CNOT3: variants seen among roughly 807,000 people sequenced by gnomAD.
The protein encoded by CNOT3 is CCR4-NOT transcription complex subunit 3.
A neutral mutation model predicts 89.4 loss-of-function variants in CNOT3; 2 were observed. The observed-to-expected ratio is 0.02, with a 90% CI of 0.01 to 0.07. CNOT3 has a LOEUF of 0.07. Ranked by LOEUF, CNOT3 falls within the 10% of genes least tolerant of loss-of-function variation. CNOT3 has a pLI of 1.00. For synonymous variants in CNOT3, 486 were observed against 402.0 expected, an observed-to-expected ratio of 1.21 and a Z score of -2.50; for missense variants, 664 against 1,010.2, an observed-to-expected ratio of 0.66 and a Z score of 4.65.
At chr19:54,152,088 T>C (rs587690172) in intron 13 of CNOT3, 138 bp from the exon 14 acceptor site, 27 of 760,922 alleles carry the variant, frequency 3.5e-5, no homozygotes, top group African/African-American at 1.1e-4. Context: ...TTACCTGTCA[T>C]GGGTAGATTG....
intron 10 of CNOT3, among the ~76,000 whole-genome samples, chr19:54,147,511 TAGTC>T (rs2074746534): frequency 6.6e-6 from 1 of 152,182 alleles, no homozygotes; most frequent in Non-Finnish European, 1.5e-5. Flanking sequence ...GAGAAGTGGG[TAGTC>T]AGTCCTGTTG....
rs2241791 is a variant in CNOT3 at position 54,144,396 on chromosome 19, G to A, written c.483+64G>A. 4,090 of 1,232,614 alleles carry A rather than the reference G, an allele frequency of 3.3e-3. 169 individuals carry two copies. The East Asian group carries it at 0.088, about 27-fold the overall frequency. The allele number at this position is 1,232,614 out of a possible 1,614,324, so 76.4% of individuals were successfully genotyped here. A position where few individuals can be genotyped will look rare whatever the true frequency, so the allele number is the denominator to read the frequency against. On this transcript the variant is annotated intron_variant, in intron 7 of 17. Coordinates refer to ENST00000221232, the MANE Select transcript of CNOT3 (RefSeq NM_014516.4). The surrounding 1 kb of genome is among the most constrained non-coding windows in gnomAD (Gnocchi z 4.8). ...GGCATGGGAATGGGCTGGCCAGCAG[G>A]AGGCCAGTCATTTATGCTCCTGGGA...
intron 1 of CNOT3, among the ~76,000 whole-genome samples, chr19:54,141,030 C>G (rs1266878654): frequency 6.6e-6 from 1 of 152,172 alleles, no homozygotes; most frequent in African/African-American, 2.4e-5. Flanking sequence ...TGTAAACTCT[C>G]GTTTCACATT....
At chr19:54,140,102 C>T (rs2074386877) in intron 1 of CNOT3, among the ~76,000 whole-genome samples, 1 of 152,134 alleles carries the variant, frequency 6.6e-6, no homozygotes, top group Non-Finnish European at 1.5e-5. Flanking sequence ...GTTAGTTTCC[C>T]AGGGCTGACC....
In CNOT3 at chr19:54,144,831, A is replaced by T. The variant is rs1399303277; in HGVS notation, c.483+499A>T. 6.6e-6 allele frequency among the ~76,000 whole-genome samples: 1 copy of T among 152,120 alleles called. No homozygotes were observed. The highest frequency in any genetic ancestry group is 1.5e-5 in the Non-Finnish European group (1 of 68,012). On this transcript the variant is annotated intron_variant, in intron 7 of 17. Coordinates refer to ENST00000221232, the MANE Select transcript of CNOT3 (RefSeq NM_014516.4). The surrounding 1 kb of genome is among the most constrained non-coding windows in gnomAD (Gnocchi z 4.8). ...GTTCTAAAATCCGGGATTGTGGGGTATGAGTTCAAAGGGATACAAACTGTA... is the reference window on the plus strand; with the variant it reads ...GTTCTAAAATCCGGGATTGTGGGGTTTGAGTTCAAAGGGATACAAACTGTA...
intron 1 of CNOT3, among the ~76,000 whole-genome samples, chr19:54,140,128 C>G (rs1324558797): frequency 6.6e-6 from 1 of 152,180 alleles, no homozygotes; most frequent in African/African-American, 2.4e-5. Context: ...CCCCTCCCTC[C>G]TCGAGTCTTT....
chr19:54,147,622 C>A (rs941981776), intron 10 of CNOT3, among the ~76,000 whole-genome samples: 2 of 152,172 alleles, frequency 1.3e-5, no homozygotes, highest in African/African-American at 4.8e-5. Context: ...AGATTGCCTG[C>A]GGTAGGGATA....
intron 17 of CNOT3, chr19:54,154,960 T>G (rs377417761): frequency 1.4e-5 from 4 of 278,006 alleles, no homozygotes; most frequent in African/African-American, 2.2e-5. Context: ...TTGTGAAGAT[T>G]AAATGCTAGG....
intron 13 of CNOT3, among the ~76,000 whole-genome samples, chr19:54,149,996 C>G (rs771569519): frequency 3.9e-5 from 6 of 152,132 alleles, no homozygotes; most frequent in Non-Finnish European, 8.8e-5. Flanking sequence ...TTCTCTGGGT[C>G]TCTTTTCCTT....
At chr19:54,151,521 T>C (rs369177705) in intron 13 of CNOT3, among the ~76,000 whole-genome samples, 24 of 152,230 alleles carry the variant, frequency 1.6e-4, no homozygotes, top group South Asian at 1.2e-3. Context: ...CTGGGCGATA[T>C]AGCGAGACAG....
In CNOT3 at chr19:54,147,122, G is replaced by A. The variant is rs587685840; in HGVS notation, c.894+465G>A. Among the ~76,000 whole-genome samples the A allele has an allele frequency of 3.3e-4, 51 of 152,334 alleles. No individual in the cohort carries two copies. In the East Asian group the frequency reaches 5.0e-3, roughly 15 times the overall value. ...CCAGAGTCCAATAAGCCTAGGAAGCGATGGGGCCTTTGCTGTGCTGATAAT... is the reference window on the plus strand; with the variant it reads ...CCAGAGTCCAATAAGCCTAGGAAGCAATGGGGCCTTTGCTGTGCTGATAAT... On this transcript the variant is annotated intron_variant, in intron 10 of 17. Transcript: ENST00000221232.
chr19:54,140,481 C>G (rs587699135), intron 1 of CNOT3, among the ~76,000 whole-genome samples: 39 of 152,254 alleles, frequency 2.6e-4, no homozygotes, highest in Non-Finnish European at 2.6e-4. Context: ...TCTTCTCTGG[C>G]GGCGTCTCTG....
intron 13 of CNOT3, among the ~76,000 whole-genome samples, chr19:54,151,006 GTC>G (rs1182380161): frequency 2.0e-5 from 3 of 152,066 alleles, no homozygotes; most frequent in Non-Finnish European, 4.4e-5. Flanking sequence ...GGTCAGGCAG[GTC>G]TTGAACTCCG....
chr19:54,143,350 G>A (rs2074533891), intron 3 of CNOT3, 92 bp from the exon 4 acceptor site: 2 of 1,342,052 alleles, frequency 1.5e-6, no homozygotes, highest in East Asian at 2.3e-5. Flanking sequence ...GTTGGGGGGG[G>A]TCCTCGAGTC....
At position 54,142,926 on chromosome 19, in the gene CNOT3, C is replaced by A; in HGVS notation, c.-50-3C>A. On this transcript the variant is annotated splice_polypyrimidine_tract_variant and splice_region_variant and intron_variant, in intron 1 of 17. Coordinates refer to ENST00000221232, the MANE Select transcript of CNOT3 (RefSeq NM_014516.4). ...TTAATTCCTCTCCAATCTCTCCTAGCAGCGTCCGTCTCCAAGAGAGTATGA... is the reference window on the plus strand; with the variant it reads ...TTAATTCCTCTCCAATCTCTCCTAGAAGCGTCCGTCTCCAAGAGAGTATGA... 6.3e-7 allele frequency: 1 copy of A among 1,582,530 alleles called. No homozygotes were observed. The highest frequency in any genetic ancestry group is 8.7e-7 in the Non-Finnish European group (1 of 1,152,174).
chr19:54,149,476 T>A (rs2074923646), intron 12 of CNOT3, 84 bp from the exon 13 acceptor site: 1 of 794,538 alleles, frequency 1.3e-6, no homozygotes, highest in Non-Finnish European at 2.0e-6. Context: ...CTGTGCAGTC[T>A]CCCCTCTCTC....
At chr19:54,153,589 A>AT in intron 16 of CNOT3, 126 bp from the exon 17 acceptor site, 1 of 797,406 alleles carries the variant, frequency 1.3e-6, no homozygotes, top group South Asian at 1.3e-5. Flanking sequence ...CTCCAAGAGG[A>AT]TTGTCCAGCC....
intron 3 of CNOT3, 111 bp from the exon 4 acceptor site, chr19:54,143,331 G>T: frequency 8.1e-7 from 1 of 1,231,724 alleles, no homozygotes. Flanking sequence ...AGATGGATTG[G>T]GGGTAGGGGT....
rs776008002 is a variant in CNOT3, at chr19:54,153,992, G to C, written c.2163+152G>C. ...CAAGTACTCCTCCCTCTGGCTGTCT[G>C]CTCAGCCTGGAACACCGCCCTCTCA... On this transcript the variant is annotated intron_variant, in intron 17 of 17. Transcript: ENST00000221232. 4 of 977,442 alleles carry C rather than the reference G, an allele frequency of 4.1e-6. No homozygotes were observed. In the African/African-American group the frequency reaches 6.4e-5, roughly 16 times the overall value. 60.5% of individuals were successfully genotyped at this position (977,442 alleles called of 1,614,324 possible).
Sources: allele counts gnomAD v4.1 joint callset (sites outside exome capture counted in the v4.1 genomes callset), GRCh38; gene constraint gnomAD v4.1.1; non-coding constraint Gnocchi (gnomAD v3.1); transcripts MANE v1.5; gene names NCBI Gene and HGNC (gene_info 2026-07-23, HGNC 2026-07-21).